Variants in PRKDC observed in about 807,000 individuals in gnomAD.
The protein encoded by PRKDC is DNA-dependent protein kinase catalytic subunit.
PRKDC carries 82 observed loss-of-function variants against 486.9 expected under a neutral mutation model. That is an observed-to-expected ratio of 0.17 (90% confidence interval 0.14 to 0.20). The LOEUF (loss-of-function observed/expected upper bound fraction) is 0.20, where lower values mean the gene tolerates loss of function less well. Ranked by LOEUF, PRKDC falls within the 10% of genes least tolerant of loss-of-function variation. The probability of loss-of-function intolerance (pLI) is 1.00; values close to 1 mark genes in which losing one functional copy is unlikely to be tolerated. For synonymous variants in PRKDC, 1,895 were observed against 1,837.0 expected (o/e 1.03, Z -0.81); for missense variants, 4,504 against 5,038.2 (o/e 0.89, Z 3.21).
intron 54 of PRKDC, among the ~76,000 whole-genome samples, chr8:47,840,572 T>G (rs186892935): frequency 7.7e-4 from 118 of 152,318 alleles, no homozygotes; most frequent in African/African-American, 2.4e-3. Flanking sequence ...TCTTTCAACT[T>G]TTCTGTAAAT....
At chr8:47,815,403 C>T (rs969911080) in intron 68 of PRKDC, among the ~76,000 whole-genome samples, 8 of 152,160 alleles carry the variant, frequency 5.3e-5, no homozygotes, top group South Asian at 2.1e-4. Flanking sequence ...CCCTACCTCA[C>T]GCCATTTACA....
At chr8:47,843,663 T>C (rs1463365601) in intron 54 of PRKDC, among the ~76,000 whole-genome samples, 2 of 152,174 alleles carry the variant, frequency 1.3e-5, no homozygotes, top group Non-Finnish European at 2.9e-5. Flanking sequence ...TCAGCTCACA[T>C]ACTGAGAGAA....
At chr8:47,818,413 A>C (rs1211619597) in intron 67 of PRKDC, among the ~76,000 whole-genome samples, 1 of 151,870 alleles carries the variant, frequency 6.6e-6, no homozygotes, top group Non-Finnish European at 1.5e-5. Context: ...CCCCATCTCT[A>C]CTAAAAATAC....
intron 63 of PRKDC, among the ~76,000 whole-genome samples, chr8:47,824,641 A>T (rs974574839): frequency 3.3e-5 from 5 of 152,178 alleles, no homozygotes; most frequent in African/African-American, 1.2e-4. Flanking sequence ...AAGAAAAAAT[A>T]ATCCTGACTA....
intron 54 of PRKDC, among the ~76,000 whole-genome samples, chr8:47,840,475 T>A (rs903661421): frequency 1.3e-5 from 2 of 152,230 alleles, no homozygotes. Context: ...AATGTTCTAA[T>A]GTTAATTTCT....
chr8:47,892,611 G>A lies in PRKDC; in HGVS notation c.3847+528C>T, dbSNP rs369037923. On this transcript the variant is annotated intron_variant, in intron 31 of 85. Coordinates refer to ENST00000314191, the MANE Select transcript of PRKDC (RefSeq NM_006904.7). ...TTCCCAAAGTGCTGGGATTACAGGA[G>A]AGAGCCTCTGCACCCAGCCAAGGAA... Among the ~76,000 whole-genome samples, 28 of 152,276 alleles carry A rather than the reference G, an allele frequency of 1.8e-4. 1 individual carries two copies. The highest frequency in any genetic ancestry group is 6.5e-4 in the African/African-American group (27 of 41,556).
At chr8:47,944,578 A>G (rs2090500267) in intron 7 of PRKDC, among the ~76,000 whole-genome samples, 1 of 152,188 alleles carries the variant, frequency 6.6e-6, no homozygotes, top group South Asian at 2.1e-4. Context: ...TGACCTCAGC[A>G]TACTTATTAA....
intron 40 of PRKDC, among the ~76,000 whole-genome samples, chr8:47,872,332 A>C (rs984966177): frequency 1.7e-4 from 26 of 152,228 alleles, no homozygotes; most frequent in African/African-American, 6.0e-4. Context: ...ACCCGAGAAA[A>C]TAACCTTCAC....
chr8:47,848,685 A>AGT, intron 54 of PRKDC, among the ~76,000 whole-genome samples: 1 of 152,144 alleles, frequency 6.6e-6, no homozygotes, highest in Non-Finnish European at 1.5e-5. Flanking sequence ...GGACTAATAG[A>AGT]CTAAGACTGG....
intron 7 of PRKDC, among the ~76,000 whole-genome samples, chr8:47,946,400 G>C (rs555539206): frequency 1.3e-5 from 2 of 152,184 alleles, no homozygotes; most frequent in South Asian, 2.1e-4. Flanking sequence ...GATTTGTCTA[G>C]CATGTTTTCT....
At position 47,858,900 on chromosome 8, in the gene PRKDC, C is replaced by T. The variant is rs544510562; in HGVS notation, c.6294G>A (p.Thr2098=). ...TTCTGTGCATGTGCTTGACCAGGGC[C>T]GTCAGGGGCGCCATGCACTCATGCC... is the stretch of plus-strand genomic sequence containing the variant. ...LNRHECMAPL[T]ALVKHMHRSL... Residue 2098 remains threonine, a synonymous_variant, in exon 47 of 86, where the codon ACG becomes ACA. Coordinates refer to ENST00000314191, the MANE Select transcript of PRKDC (RefSeq NM_006904.7). 3.7e-6 allele frequency: 6 copies of T among 1,613,812 alleles called. No individual in the cohort carries two copies. Among genetic ancestry groups the T allele is most frequent in the Admixed American group, 1.7e-5 (1 of 60,018 alleles).
chr8:47,811,149 C>A (rs1275265515), intron 68 of PRKDC, among the ~76,000 whole-genome samples: 1 of 152,028 alleles, frequency 6.6e-6, no homozygotes, highest in Non-Finnish European at 1.5e-5. Flanking sequence ...CTGCTGATAA[C>A]CAATGATAAA....
At position 47,864,659 on chromosome 8, in the gene PRKDC, G is replaced by C. The variant is rs1286593101; in HGVS notation, c.5468C>G (p.Ser1823Cys). The C allele has an allele frequency of 3.1e-6, 5 of 1,608,842 alleles. No individual in the cohort carries two copies. The highest frequency in any genetic ancestry group is 3.4e-4 in the Middle Eastern group (2 of 5,890). The change falls in exon 41 of 86, where the codon TCC becomes TGC. Residue 1823 changes from serine (S) to cysteine (C), a missense_variant. Ser to Cys is a moderately radical substitution (Grantham distance 112). Coordinates refer to ENST00000314191, the MANE Select transcript of PRKDC (RefSeq NM_006904.7). Reference sequence around the variant, plus strand: ...ACAGTGCCACAGCAGAGTGAGGAGGGAGCGGTCCACAAAGGACTGGCGTGT... The same window carrying C: ...ACAGTGCCACAGCAGAGTGAGGAGGCAGCGGTCCACAAAGGACTGGCGTGT... ...SFTRQSFVDR[S>C]LLTLLWHCSL... is the part of the protein sequence containing the mutation.
intron 68 of PRKDC, among the ~76,000 whole-genome samples, chr8:47,816,608 G>A (rs981438089): frequency 6.6e-5 from 10 of 152,180 alleles, no homozygotes; most frequent in African/African-American, 2.4e-4. Flanking sequence ...GATCTATAAC[G>A]AGGCAAAGGT....
intron 40 of PRKDC, among the ~76,000 whole-genome samples, chr8:47,865,981 C>A (rs2088800263): frequency 6.6e-6 from 1 of 151,932 alleles, no homozygotes; most frequent in African/African-American, 2.4e-5. Context: ...CATGGCGAAA[C>A]CCCGTCTCTA....
chr8:47,936,047 A>G, intron 12 of PRKDC, 147 bp from the exon 13 acceptor site: 1 of 840,896 alleles, frequency 1.2e-6, no homozygotes. Context: ...CTTAACATGT[A>G]TTACTGTGAT....
At chr8:47,806,301 C>T (rs2087214393) in intron 69 of PRKDC, among the ~76,000 whole-genome samples, 1 of 152,204 alleles carries the variant, frequency 6.6e-6, no homozygotes, top group Non-Finnish European at 1.5e-5. Context: ...TGGGTCCTCT[C>T]CCCATGACCC....
chr8:47,778,486 A>G lies in PRKDC; in HGVS notation c.11826T>C (p.Phe3942=), dbSNP rs1269069893. The change falls in exon 83 of 86, where the codon TTT becomes TTC. Residue 3942 remains phenylalanine (F), a synonymous_variant. Coordinates refer to ENST00000314191, the MANE Select transcript of PRKDC (RefSeq NM_006904.7). The part of the protein sequence containing the change: ...METGGVIGID[F]GHAFGSATQF... The stretch of plus-strand genomic sequence containing the variant: ...GTGTAGCGGATCCAAACGCATGCCC[A>G]AAGTCGATCCCGATCACGCCGCCAG... 2 of 1,613,480 alleles carry G rather than the reference A, an allele frequency of 1.2e-6. No homozygotes were observed. The highest frequency in any genetic ancestry group is 3.3e-5 in the Admixed American group (2 of 59,942).
At chr8:47,875,178 G>T (rs2089064950) in intron 40 of PRKDC, among the ~76,000 whole-genome samples, 1 of 152,166 alleles carries the variant, frequency 6.6e-6, no homozygotes, top group Non-Finnish European at 1.5e-5. Context: ...GTCAGTTTTG[G>T]TAATTTACGA....
Sources: gnomAD v4.1 joint callset for allele counts (sites outside exome capture counted in the v4.1 genomes callset) on GRCh38, gnomAD v4.1.1 for gene constraint, MANE v1.5 for transcripts, NCBI Gene and HGNC (gene_info 2026-07-23, HGNC 2026-07-21) for gene names.